Variants in RCC2 observed in about 807,000 individuals in gnomAD.
The protein encoded by RCC2 is regulator of chromosome condensation 2.
RCC2 carries 19 observed loss-of-function variants against 64.1 expected under a neutral mutation model. The ratio of observed to expected loss-of-function variants is 0.30; its 90% CI spans 0.21 to 0.44. RCC2 has a LOEUF of 0.44. Ranked by LOEUF, RCC2 falls within the 20% of genes least tolerant of loss-of-function variation. The pLI, the probability that RCC2 is intolerant of heterozygous loss-of-function variation, is 1.00. For synonymous variants in RCC2, 325 were observed against 279.6 expected (o/e 1.16, Z -1.62); for missense variants, 508 against 710.4 (o/e 0.72, Z 3.24).
chr1:17,414,660 C>G (rs1272675419), intron 8 of RCC2, among the ~76,000 whole-genome samples: 1 of 151,890 alleles, frequency 6.6e-6, no homozygotes, highest in Non-Finnish European at 1.5e-5. Context: ...GAGAGGGTCT[C>G]GTGCTCTGTT....
intron 2 of RCC2, among the ~76,000 whole-genome samples, chr1:17,437,701 C>T (rs1400164311): frequency 9.9e-4 from 1 of 1,012 alleles, no homozygotes; most frequent in Admixed American, 0.013. Flanking sequence ...CAGGCCCCGC[C>T]CCCCCCGGGC....
intron 7 of RCC2, among the ~76,000 whole-genome samples, chr1:17,419,305 A>G (rs895517902): frequency 6.6e-6 from 1 of 152,070 alleles, no homozygotes; most frequent in Admixed American, 6.6e-5. Context: ...GTTGCAGTGA[A>G]CTGAGATCAC....
In RCC2 at chr1:17,412,095, C is replaced by G. The variant is rs1381236028; in HGVS notation, c.1386+27G>C. The G allele has an allele frequency of 1.9e-6, 3 of 1,612,078 alleles. No individual in the cohort carries two copies. In the African/African-American group the frequency reaches 4.0e-5, roughly 22 times the overall value. ...AGCCACCCTGACTGGCTTCCACTTC[C>G]CCTGACCCGCACAGGTGACAGCTTA... On this transcript the variant is annotated intron_variant, in intron 11 of 12. Transcript: ENST00000375436.
At chr1:17,426,468 G>A (rs942216438) in intron 3 of RCC2, among the ~76,000 whole-genome samples, 12 of 152,024 alleles carry the variant, frequency 7.9e-5, no homozygotes, top group Admixed American at 4.6e-4. Context: ...GCCTCCTTGG[G>A]GAAGCCCTCC....
At chr1:17,412,015 A>C (rs892781800) in intron 11 of RCC2, 107 bp downstream of exon 11, 22 of 977,384 alleles carry the variant, frequency 2.3e-5, no homozygotes, top group African/African-American at 1.3e-4. Flanking sequence ...GGGAATCCCA[A>C]ATGTTTTTCT....
chr1:17,436,085 T>C (rs78662891), intron 2 of RCC2, among the ~76,000 whole-genome samples: 3,947 of 152,186 alleles, frequency 0.026, 181 homozygotes, highest in African/African-American at 0.089. Context: ...TTTAAGTGGA[T>C]AGAGAAAGGA....
intron 2 of RCC2, among the ~76,000 whole-genome samples, chr1:17,432,698 G>A (rs1203507069): frequency 2.6e-5 from 4 of 152,258 alleles, no homozygotes; most frequent in Non-Finnish European, 5.9e-5. Context: ...GCCTTGGGGA[G>A]GGAGTTTCCT....
chr1:17,411,093 C>T (rs1364905630), intron 11 of RCC2, among the ~76,000 whole-genome samples: 1 of 152,138 alleles, frequency 6.6e-6, no homozygotes, highest in South Asian at 2.1e-4. Flanking sequence ...TCCTTCCCCT[C>T]CTCTCCATCA....
At chr1:17,409,679 G>T (rs981738980) in intron 12 of RCC2, among the ~76,000 whole-genome samples, 1 of 152,242 alleles carries the variant, frequency 6.6e-6, no homozygotes, top group Admixed American at 6.5e-5. Flanking sequence ...TCTGAGTCCT[G>T]GGTGTGATGG....
At chr1:17,420,904 G>T in intron 6 of RCC2, 76 bp from the exon 7 acceptor site, 1 of 925,764 alleles carries the variant, frequency 1.1e-6, no homozygotes. Context: ...CATGTTGGTG[G>T]GAAACAATTA....
At chr1:17,437,515 CAG>C (rs1201310506) in intron 2 of RCC2, among the ~76,000 whole-genome samples, 1 of 152,132 alleles carries the variant, frequency 6.6e-6, no homozygotes, top group Non-Finnish European at 1.5e-5. Context: ...TTTGAGAAAA[CAG>C]AAGCCCGCCC....
chr1:17,415,797 G>T (rs528914639), intron 8 of RCC2, among the ~76,000 whole-genome samples: 34 of 151,780 alleles, frequency 2.2e-4, no homozygotes, highest in African/African-American at 8.0e-4. Flanking sequence ...GGCCAGGCGT[G>T]GTGGCTCACA....
chr1:17,429,230 AGTGT>A, intron 2 of RCC2, 31 bp from the exon 3 acceptor site: 1 of 1,557,796 alleles, frequency 6.4e-7, no homozygotes, highest in Non-Finnish European at 8.9e-7. Context: ...AAAAAGAATT[AGTGT>A]GTAAGTCTGC....
Position 17,429,096 on chromosome 1 carries a change from A to C in RCC2, c.379+10T>G, listed in dbSNP as rs2075648098. The C allele has an allele frequency of 6.2e-7, 1 of 1,610,932 alleles. No individual in the cohort carries two copies. On this transcript the variant is annotated intron_variant, in intron 3 of 12. Coordinates refer to ENST00000375436, the MANE Select transcript of RCC2 (RefSeq NM_018715.4). ...GCACTCAATGGGTTTTTGAGGCACC[A>C]TTCTCATACCTTGCTGTTTAGGCAC...
At chr1:17,437,147 T>C (rs531613138) in intron 2 of RCC2, among the ~76,000 whole-genome samples, 1 of 152,192 alleles carries the variant, frequency 6.6e-6, no homozygotes, top group Non-Finnish European at 1.5e-5. Context: ...AGTTTCCCTA[T>C]CTATAAAACG....
rs888295592 is a variant in RCC2 at position 17,407,609 on chromosome 1, G to A, written c.*1481C>T. ...ATGCCCTCCAAGGGCAGGAGTCACG[G>A]TAAGGAGCGACTGGGGTGGAAAATA... is the stretch of plus-strand genomic sequence containing the variant. On this transcript the variant is annotated 3_prime_UTR_variant, in exon 13 of 13. Coordinates refer to ENST00000375436, the MANE Select transcript of RCC2 (RefSeq NM_018715.4). 6.6e-6 allele frequency: 1 copy of A among 152,532 alleles called. No individual in the cohort carries two copies. Among genetic ancestry groups the A allele is most frequent in the African/African-American group, 2.4e-5 (1 of 41,422 alleles). The allele number at this position is 152,532 out of a possible 1,614,324, so 9.4% of individuals were successfully genotyped here. A position where few individuals can be genotyped will look rare whatever the true frequency, so the allele number is the denominator to read the frequency against.
chr1:17,430,304 C>A (rs2100387341), intron 2 of RCC2, among the ~76,000 whole-genome samples: 1 of 151,972 alleles, frequency 6.6e-6, no homozygotes, highest in Admixed American at 6.6e-5. Context: ...ATTGCTTGAG[C>A]TTGGAGACCA....
rs1476520041 is a variant in RCC2, at chr1:17,413,237, TTCAG to T, written c.1208-63_1208-60del. ...CAGACATCGAGAGCTGAGTCTCATC[TTCAG>T]TATTATCAGGGTGAAAAGAGGACGG... On this transcript the variant is annotated intron_variant, in intron 9 of 12. Coordinates refer to ENST00000375436, the MANE Select transcript of RCC2 (RefSeq NM_018715.4). The T allele has an allele frequency of 6.6e-6, 8 of 1,214,810 alleles. No individual in the cohort carries two copies. In the East Asian group the frequency reaches 2.0e-4, roughly 30 times the overall value. The allele number at this position is 1,214,810 out of a possible 1,614,324, so 75.3% of individuals were successfully genotyped here.
chr1:17,410,992 T>C (rs1448220872), intron 11 of RCC2, among the ~76,000 whole-genome samples: 1 of 152,164 alleles, frequency 6.6e-6, no homozygotes, highest in African/African-American at 2.4e-5. Flanking sequence ...CCAGAGCATC[T>C]GAGCCAGACT....
Sources: gnomAD v4.1 joint callset for allele counts (sites outside exome capture counted in the v4.1 genomes callset) on GRCh38, gnomAD v4.1.1 for gene constraint, MANE v1.5 for transcripts, NCBI Gene and HGNC (gene_info 2026-07-23, HGNC 2026-07-21) for gene names.